The following CERKL variants were observed in gnomAD, a reference collection of about 807,000 sequenced individuals.
CERKL encodes the protein CERK like autophagy regulator, also known as ceramide kinase-like protein.
CERKL carries 61 observed loss-of-function variants against 63.4 expected under a neutral mutation model. The observed-to-expected ratio is 0.96, with a 90% CI of 0.78 to 1.19. The LOEUF (loss-of-function observed/expected upper bound fraction) is 1.19. CERKL is among the 50% of genes most tolerant of loss of function. The probability of loss-of-function intolerance (pLI) is 0.00; values close to 1 mark genes in which losing one functional copy is unlikely to be tolerated. For synonymous variants in CERKL, 250 were observed against 230.5 expected, an observed-to-expected ratio of 1.08 and a Z score of -0.77; for missense variants, 675 against 655.5, an observed-to-expected ratio of 1.03 and a Z score of -0.33.
chr2:181,614,065 T>C (rs979096180), intron 1 of CERKL, among the ~76,000 whole-genome samples: 4 of 152,228 alleles, frequency 2.6e-5, no homozygotes, highest in Non-Finnish European at 5.9e-5. Flanking sequence ...TGCTTTGCTA[T>C]GTCTTTGTAT....
chr2:181,552,507 G>A (rs1027980453), intron 5 of CERKL, among the ~76,000 whole-genome samples: 2 of 152,136 alleles, frequency 1.3e-5, no homozygotes, highest in African/African-American at 4.8e-5. Flanking sequence ...CACCATGGTT[G>A]TAAGTTTCCT....
chr2:181,626,211 G>T (rs1686696661), intron 1 of CERKL, among the ~76,000 whole-genome samples: 1 of 152,052 alleles, frequency 6.6e-6, no homozygotes, highest in Non-Finnish European at 1.5e-5. Flanking sequence ...CTCCCTTCCT[G>T]TTATTTTACT....
chr2:181,646,449 A>G (rs1687676311), intron 1 of CERKL, among the ~76,000 whole-genome samples: 1 of 152,242 alleles, frequency 6.6e-6, no homozygotes, highest in African/African-American at 2.4e-5. Flanking sequence ...AGTGAGTTCC[A>G]TAACCATGAT....
intron 2 of CERKL, among the ~76,000 whole-genome samples, chr2:181,602,243 T>G (rs1259300908): frequency 6.6e-6 from 1 of 152,040 alleles, no homozygotes; most frequent in Non-Finnish European, 1.5e-5. Context: ...GGGAGAAGAG[T>G]TCCTCAGACC....
intron 1 of CERKL, among the ~76,000 whole-genome samples, chr2:181,656,031 G>A (rs143940455): frequency 6.6e-6 from 1 of 152,248 alleles, no homozygotes; most frequent in Admixed American, 6.5e-5. Context: ...AAATAGACTC[G>A]AAGTATTTGT....
chr2:181,558,782 C>A lies in CERKL; in HGVS notation c.678-74G>T, dbSNP rs1022225994. On this transcript the variant is annotated intron_variant, in intron 4 of 12. Coordinates refer to ENST00000410087, the MANE Select transcript of CERKL (RefSeq NM_201548.5). This position sits in a 1 kb window ranked among gnomAD's most constrained non-coding sequence, Gnocchi z 4.2. ...GTAATAAGTCATGAAATCTAGACTT[C>A]AAAATAGTTTACTAATTTGTAGTCT... is the stretch of plus-strand genomic sequence containing the variant. 1.9e-5 allele frequency: 28 copies of A among 1,482,238 alleles called. No homozygotes were observed. The African/African-American group carries it at 3.7e-4, about 20-fold the overall frequency. The allele number at this position is 1,482,238 out of a possible 1,614,324, so 91.8% of individuals were successfully genotyped here. A position where few individuals can be genotyped will look rare whatever the true frequency, so the allele number is the denominator to read the frequency against.
chr2:181,553,211 A>G (rs1458753174), intron 5 of CERKL, among the ~76,000 whole-genome samples: 4 of 152,138 alleles, frequency 2.6e-5, no homozygotes, highest in Non-Finnish European at 5.9e-5. Flanking sequence ...GGTCTTTCCA[A>G]TGATCTTGTG....
At chr2:181,566,910 C>T (rs1362200256) in intron 3 of CERKL, among the ~76,000 whole-genome samples, 2 of 152,162 alleles carry the variant, frequency 1.3e-5, no homozygotes, top group Non-Finnish European at 2.9e-5. Flanking sequence ...TTTCTGCTGA[C>T]TGACATGACA....
Position 181,657,034 on chromosome 2 carries a change from A to AG in CERKL, c.-29dup, listed in dbSNP as rs1559129082. On this transcript the variant is annotated 5_prime_UTR_variant, in exon 1 of 13. Transcript: ENST00000410087. ...CGGAGTCGCAGGCTGGGCCCGAGCC[A>AG]GGGGTCCGGGGAGGCCTTTGGAGAA... 6.4e-7 allele frequency: 1 copy of AG among 1,557,538 alleles called. No individual in the cohort carries two copies. The highest frequency in any genetic ancestry group is 1.4e-5 in the African/African-American group (1 of 73,598).
chr2:181,629,964 A>G (rs1057141723), intron 1 of CERKL, among the ~76,000 whole-genome samples: 5 of 54,614 alleles, frequency 9.2e-5, no homozygotes, highest in South Asian at 1.9e-3. Flanking sequence ...TTGTCTTGGA[A>G]AAAAAAAAAA....
intron 11 of CERKL, among the ~76,000 whole-genome samples, chr2:181,542,292 A>G (rs1432369832): frequency 1.3e-5 from 2 of 152,200 alleles, no homozygotes; most frequent in Non-Finnish European, 2.9e-5. Context: ...AATCTATTTT[A>G]CAGTGTTATA....
chr2:181,606,283 C>T (rs1338659236), intron 1 of CERKL, among the ~76,000 whole-genome samples: 1 of 56,832 alleles, frequency 1.8e-5, no homozygotes, highest in African/African-American at 8.6e-5. Context: ...GGGAGGAAGA[C>T]AGGGAGGGAG....
chr2:181,566,019 TA>T (rs771247967), intron 4 of CERKL, 38 bp downstream of exon 4: 5 of 1,326,986 alleles, frequency 3.8e-6, no homozygotes, highest in Non-Finnish European at 5.4e-6. Flanking sequence ...ATTTAATACA[TA>T]AATGATATAA....
At chr2:181,612,375 T>C (rs1686004429) in intron 1 of CERKL, among the ~76,000 whole-genome samples, 1 of 152,178 alleles carries the variant, frequency 6.6e-6, no homozygotes. Flanking sequence ...CCAATAAAGA[T>C]ACAGAATTTT....
chr2:181,616,464 G>A (rs572005152), intron 1 of CERKL, among the ~76,000 whole-genome samples: 75 of 152,002 alleles, frequency 4.9e-4, no homozygotes, highest in East Asian at 2.7e-3. Context: ...CGCCTGCCTC[G>A]GCCTCCCAAA....
intron 1 of CERKL, among the ~76,000 whole-genome samples, chr2:181,654,377 A>G (rs924951490): frequency 1.3e-5 from 2 of 152,328 alleles, no homozygotes; most frequent in East Asian, 3.9e-4. Flanking sequence ...TGGCAGTCAG[A>G]GCCTTCATAA....
At chr2:181,634,837 G>GTTTTT (rs1687106150) in intron 1 of CERKL, among the ~76,000 whole-genome samples, 1 of 152,082 alleles carries the variant, frequency 6.6e-6, no homozygotes, top group South Asian at 2.1e-4. Context: ...TTATTTTAAT[G>GTTTTT]TAAAGCAACA....
At chr2:181,617,541 T>A (rs902396902) in intron 1 of CERKL, 3 of 152,216 alleles carry the variant, frequency 2.0e-5, no homozygotes, top group African/African-American at 7.2e-5. Context: ...GTGATGATGA[T>A]CTTAACAGCT....
chr2:181,606,094 G>T (rs1271249135), intron 1 of CERKL, among the ~76,000 whole-genome samples: 1 of 148,808 alleles, frequency 6.7e-6, no homozygotes, highest in East Asian at 2.0e-4. Flanking sequence ...GAGAAAGAAA[G>T]AAAAAGACAG....
Sources: gnomAD v4.1 joint callset for allele counts (sites outside exome capture counted in the v4.1 genomes callset) on GRCh38, gnomAD v4.1.1 for gene constraint, Gnocchi (gnomAD v3.1) non-coding constraint, MANE v1.5 for transcripts, NCBI Gene and HGNC (gene_info 2026-07-23, HGNC 2026-07-21) for gene names.